The following SIL1 variants were observed in gnomAD, a reference collection of about 807,000 sequenced individuals.
SIL1 encodes the protein nucleotide exchange factor SIL1.
SIL1 carries 40 observed loss-of-function variants against 49.1 expected under a neutral mutation model. The observed-to-expected ratio is 0.81, with a 90% CI of 0.63 to 1.06. SIL1 has a LOEUF of 1.06. SIL1 is among the 50% of genes least tolerant of loss of function. The pLI, the probability that SIL1 is intolerant of heterozygous loss-of-function variation, is 0.00. For missense variants in SIL1, 500 were observed against 572.6 expected (o/e 0.87, Z 1.29); for synonymous variants, 253 against 250.8 (o/e 1.01, Z -0.08).
intron 1 of SIL1, among the ~76,000 whole-genome samples, chr5:139,171,572 A>G (rs954337266): frequency 4.6e-5 from 7 of 152,028 alleles, no homozygotes; most frequent in South Asian, 2.1e-4. Flanking sequence ...GCGGAAGGCC[A>G]CAGGGTCCTC....
At chr5:139,099,130 C>G (rs575869069) in intron 3 of SIL1, among the ~76,000 whole-genome samples, 1 of 152,152 alleles carries the variant, frequency 6.6e-6, no homozygotes, top group African/African-American at 2.4e-5. Flanking sequence ...ATAGACATTT[C>G]TTAAAAGAAG....
chr5:139,022,376 AGT>A (rs1430138503), intron 6 of SIL1: 1 of 152,184 alleles, frequency 6.6e-6, no homozygotes, highest in Non-Finnish European at 1.5e-5. Flanking sequence ...TGACTGTGCT[AGT>A]GTTTTGTGGT....
At chr5:138,984,616 C>T (rs1767611548) in intron 7 of SIL1, among the ~76,000 whole-genome samples, 1 of 152,150 alleles carries the variant, frequency 6.6e-6, no homozygotes, top group South Asian at 2.1e-4. Context: ...ACCTTAGCCT[C>T]CCAAAGTGCT....
Position 138,947,378 on chromosome 5 carries a change from T to C in SIL1, c.1125A>G (p.Glu375=), listed in dbSNP as rs149424114. ...RQVHLLPGLW[E]QGWCEITAHL... ...GGGCCGTGATCTCGCACCAGCCCTGTTCCCACAGGCCTGGCAGGAGGTGTA... is the reference window on the plus strand; with the variant it reads ...GGGCCGTGATCTCGCACCAGCCCTGCTCCCACAGGCCTGGCAGGAGGTGTA... The change falls in exon 10 of 10, where the codon GAA becomes GAG. Residue 375 remains glutamate, a synonymous_variant. Transcript: ENST00000394817. The surrounding 1 kb of genome is among the most constrained non-coding windows in gnomAD (Gnocchi z 4.1). The C allele has an allele frequency of 2.5e-5, 40 of 1,613,616 alleles. No homozygotes were observed. In the Middle Eastern group the frequency reaches 8.2e-4, roughly 33 times the overall value.
intron 1 of SIL1, among the ~76,000 whole-genome samples, chr5:139,147,069 T>A (rs1751208766): frequency 6.6e-6 from 1 of 152,000 alleles, no homozygotes; most frequent in Non-Finnish European, 1.5e-5. Flanking sequence ...AACAAATAGG[T>A]GAATAAATGG....
At chr5:138,970,254 AG>A (rs1360337659) in intron 7 of SIL1, among the ~76,000 whole-genome samples, 1 of 152,228 alleles carries the variant, frequency 6.6e-6, no homozygotes, top group Non-Finnish European at 1.5e-5. Flanking sequence ...CTCCTCCCAA[AG>A]GATGGTGGCA....
chr5:139,146,836 C>T (rs904881454), intron 1 of SIL1, among the ~76,000 whole-genome samples: 1 of 152,118 alleles, frequency 6.6e-6, no homozygotes, highest in Non-Finnish European at 1.5e-5. Flanking sequence ...TGGGTAAGCT[C>T]AATTTGGTCA....
At chr5:139,078,749 T>G (rs188193080) in intron 3 of SIL1, among the ~76,000 whole-genome samples, 1 of 152,374 alleles carries the variant, frequency 6.6e-6, no homozygotes, top group East Asian at 1.9e-4. Flanking sequence ...CACTTTTCAC[T>G]TGATGACTTT....
At chr5:139,153,934 C>T (rs1042647153) in intron 1 of SIL1, among the ~76,000 whole-genome samples, 6 of 152,188 alleles carry the variant, frequency 3.9e-5, no homozygotes, top group African/African-American at 1.2e-4. Flanking sequence ...GCTCTTTCCC[C>T]GAGTGTCCAG....
Position 138,946,898 on chromosome 5 carries a change from C to T in SIL1, c.*219G>A. On this transcript the variant is annotated 3_prime_UTR_variant, in exon 10 of 10. Coordinates refer to ENST00000394817, the MANE Select transcript of SIL1 (RefSeq NM_022464.5). ...CCTGGATGCCCTGGGCTGAGCCCTG[C>T]ACGTCAGCAGAGCCCATCACCCAAC... is the stretch of plus-strand genomic sequence containing the variant. 1 of 588,334 alleles carries T rather than the reference C, an allele frequency of 1.7e-6. No individual in the cohort carries two copies. The highest frequency in any genetic ancestry group is 3.1e-6 in the Non-Finnish European group (1 of 325,738). The allele number at this position is 588,334 out of a possible 1,614,324, so 36.4% of individuals were successfully genotyped here. A position where few individuals can be genotyped will look rare whatever the true frequency, so the allele number is the denominator to read the frequency against.
intron 7 of SIL1, among the ~76,000 whole-genome samples, chr5:138,957,414 TAAA>T (rs58144526): frequency 1.3e-4 from 12 of 91,414 alleles, no homozygotes; most frequent in Non-Finnish European, 1.8e-4. Context: ...TCTGCAAAAG[TAAA>T]AAAAAAAAAA....
intron 7 of SIL1, among the ~76,000 whole-genome samples, chr5:138,996,323 T>A (rs1012812313): frequency 6.6e-6 from 1 of 152,186 alleles, no homozygotes; most frequent in African/African-American, 2.4e-5. Flanking sequence ...CATGTGTATG[T>A]CTTCTTTTGA....
chr5:138,968,971 C>G (rs754710192), intron 7 of SIL1, among the ~76,000 whole-genome samples: 1 of 152,152 alleles, frequency 6.6e-6, no homozygotes, highest in Non-Finnish European at 1.5e-5. Context: ...GACCATGGGT[C>G]CTCCTCACTG....
chr5:138,994,962 T>C (rs1338112478), intron 7 of SIL1, among the ~76,000 whole-genome samples: 1 of 152,182 alleles, frequency 6.6e-6, no homozygotes, highest in Non-Finnish European at 1.5e-5. Flanking sequence ...ATATGTGGTG[T>C]TTGGTTTTCT....
chr5:138,956,151 T>A (rs373690484), intron 7 of SIL1, among the ~76,000 whole-genome samples: 1 of 152,206 alleles, frequency 6.6e-6, no homozygotes, highest in Admixed American at 6.5e-5. Flanking sequence ...GAAAAAACTA[T>A]TATTTTTCTT....
At chr5:138,978,864 G>T (rs1464409096) in intron 7 of SIL1, among the ~76,000 whole-genome samples, 2 of 151,898 alleles carry the variant, frequency 1.3e-5, no homozygotes, top group Admixed American at 6.6e-5. Context: ...TTTTAATTGG[G>T]TTGTCTTTTT....
intron 1 of SIL1, among the ~76,000 whole-genome samples, chr5:139,143,314 C>T (rs920369307): frequency 0.042 from 2,563 of 61,432 alleles, 60 homozygotes; most frequent in Non-Finnish European, 0.064. Flanking sequence ...TATACACACA[C>T]ACACACACAC....
At chr5:138,951,984 GAAC>G in intron 7 of SIL1, 100 bp from the exon 8 acceptor site, 3 of 1,065,580 alleles carry the variant, frequency 2.8e-6, no homozygotes, top group Non-Finnish European at 4.3e-6. Flanking sequence ...GGAGAAACAA[GAAC>G]AACAGAGGTT....
chr5:139,022,658 C>T (rs1181829117), intron 6 of SIL1: 1 of 152,168 alleles, frequency 6.6e-6, no homozygotes, highest in African/African-American at 2.4e-5. Context: ...CCTCTGGTAC[C>T]GCAGACATGA....
Sources: gnomAD v4.1 joint callset for allele counts (sites outside exome capture counted in the v4.1 genomes callset) on GRCh38, gnomAD v4.1.1 for gene constraint, Gnocchi (gnomAD v3.1) non-coding constraint, MANE v1.5 for transcripts, NCBI Gene and HGNC (gene_info 2026-07-23, HGNC 2026-07-21) for gene names.